PLEKHA1: variants seen among roughly 807,000 people sequenced by gnomAD.
PLEKHA1 encodes the protein pleckstrin homology domain-containing family A member 1.
In PLEKHA1, 34 loss-of-function variants were observed where a neutral mutation model predicts 52.0. That is an observed-to-expected ratio of 0.65 (90% CI 0.50 to 0.87). The LOEUF (loss-of-function observed/expected upper bound fraction) is 0.87. Among genes scored for constraint, PLEKHA1 ranks in the 40% least tolerant of loss-of-function variants. PLEKHA1 has a pLI of 0.00. For missense variants in PLEKHA1, 497 were observed against 504.2 expected, an observed-to-expected ratio of 0.99 and a Z score of 0.14; for synonymous variants, 163 against 170.7, an observed-to-expected ratio of 0.95 and a Z score of 0.35.
Position 122,426,510 on chromosome 10 carries a change from T to C in PLEKHA1, c.811-432T>C, listed in dbSNP as rs190694486. On this transcript the variant is annotated intron_variant, in intron 10 of 11. Coordinates refer to ENST00000368990, the MANE Select transcript of PLEKHA1 (RefSeq NM_001001974.4). ...AGCCAGACGTATCTGTCAATACTTATTGTAGGATTTAGGGTACTACTAGAA... is the reference window on the plus strand; with the variant it reads ...AGCCAGACGTATCTGTCAATACTTACTGTAGGATTTAGGGTACTACTAGAA... Among the ~76,000 whole-genome samples, 635 of 152,348 alleles carry C rather than the reference T, an allele frequency of 4.2e-3. 2 individuals carry two copies. Among genetic ancestry groups the C allele is most frequent in the Non-Finnish European group, 7.3e-3 (496 of 68,034 alleles).
chr10:122,404,277 C>T (rs1565217148), intron 4 of PLEKHA1, among the ~76,000 whole-genome samples: 1 of 151,874 alleles, frequency 6.6e-6, no homozygotes, highest in East Asian at 1.9e-4. Flanking sequence ...CTACGTCTTG[C>T]CATGAAGTAA....
chr10:122,418,796 T>C (rs2097216410), intron 8 of PLEKHA1: 1 of 152,200 alleles, frequency 6.6e-6, no homozygotes, highest in South Asian at 2.1e-4. Flanking sequence ...GTAGTATAAA[T>C]GTCTATCCTA....
At chr10:122,383,437 A>G (rs1441864964) in intron 1 of PLEKHA1, among the ~76,000 whole-genome samples, 2 of 149,612 alleles carry the variant, frequency 1.3e-5, no homozygotes, top group East Asian at 2.0e-4. Flanking sequence ...ATCCCACCTC[A>G]GCTTCCCAAG....
chr10:122,391,953 AG>A (rs2133980316), intron 1 of PLEKHA1, among the ~76,000 whole-genome samples: 1 of 152,258 alleles, frequency 6.6e-6, no homozygotes, highest in Admixed American at 6.5e-5. Flanking sequence ...TTTCACTGTA[AG>A]TTAAATTTAC....
the PLEKHA1 span, chr10:122,438,891 A>T: frequency 6.6e-6 from 1 of 152,136 alleles, no homozygotes; most frequent in Non-Finnish European, 1.5e-5. Flanking sequence ...ATCGCAAAAA[A>T]ATCTCATAAT....
At chr10:122,434,130 T>C (rs2097429633), downstream of PLEKHA1, 1 of 152,212 alleles carries the variant, frequency 6.6e-6, no homozygotes, top group African/African-American at 2.4e-5. Flanking sequence ...CCATTGGGTC[T>C]TGGACACCTG....
At chr10:122,434,839 A>G (rs1375781527), downstream of PLEKHA1, 2 of 148,694 alleles carry the variant, frequency 1.3e-5, no homozygotes, top group African/African-American at 5.0e-5. Flanking sequence ...TGTCCTTGCG[A>G]TAGTTTACTG....
intron 10 of PLEKHA1, among the ~76,000 whole-genome samples, chr10:122,425,954 A>G (rs1327602191): frequency 6.6e-6 from 1 of 151,962 alleles, no homozygotes; most frequent in African/African-American, 2.4e-5. Context: ...TTTGTTTCAT[A>G]TATTGTTATT....
chr10:122,424,769 T>C, intron 9 of PLEKHA1, 127 bp from the exon 10 acceptor site: 1 of 552,912 alleles, frequency 1.8e-6, no homozygotes, highest in African/African-American at 2.0e-5. Context: ...GAAAAGATAA[T>C]TTGGGTTTGC....
chr10:122,397,027 T>C (rs2134129046), intron 2 of PLEKHA1, among the ~76,000 whole-genome samples: 1 of 152,232 alleles, frequency 6.6e-6, no homozygotes, highest in South Asian at 2.1e-4. Flanking sequence ...TCCTCTATGA[T>C]TAGGTTCTCA....
At chr10:122,423,406 C>G (rs1312642467) in intron 8 of PLEKHA1, 1 of 119,130 alleles carries the variant, frequency 8.4e-6, no homozygotes, top group Non-Finnish European at 1.6e-5. Flanking sequence ...GCCTGGGCAA[C>G]AAGAGCGAAA....
chr10:122,410,917 C>G (rs533092706), intron 5 of PLEKHA1, among the ~76,000 whole-genome samples: 160 of 152,184 alleles, frequency 1.1e-3, no homozygotes, highest in African/African-American at 3.7e-3. Context: ...TTCAGGTTCT[C>G]TTAATGCTAG....
chr10:122,384,406 A>G (rs554003216), intron 1 of PLEKHA1, among the ~76,000 whole-genome samples: 1 of 150,330 alleles, frequency 6.7e-6, no homozygotes, highest in Non-Finnish European at 1.5e-5. Context: ...CAGGAGATTG[A>G]GACCATCCTG....
intron 2 of PLEKHA1, among the ~76,000 whole-genome samples, chr10:122,394,104 G>T (rs1490668066): frequency 1.8e-4 from 16 of 88,394 alleles, no homozygotes; most frequent in Non-Finnish European, 4.2e-4. Context: ...TTGAGATGGA[G>T]TCTCTTATCA....
chr10:122,418,104 G>A (rs1258833129), intron 8 of PLEKHA1, 136 bp downstream of exon 8: 8 of 558,718 alleles, frequency 1.4e-5, no homozygotes, highest in African/African-American at 1.2e-4. Flanking sequence ...AGTTTATTTG[G>A]TTGTGATGCT....
At chr10:122,406,500 GT>G in intron 4 of PLEKHA1, 75 bp from the exon 5 acceptor site, 1 of 1,201,982 alleles carries the variant, frequency 8.3e-7, no homozygotes, top group Non-Finnish European at 1.2e-6. Context: ...ACTTAGCAAG[GT>G]TTTTCAGCTA....
intron 4 of PLEKHA1, among the ~76,000 whole-genome samples, chr10:122,402,849 TA>T: frequency 6.6e-6 from 1 of 152,140 alleles, no homozygotes; most frequent in Admixed American, 6.5e-5. Context: ...GAAGATATCT[TA>T]AATGAAAGTC....
intron 4 of PLEKHA1, among the ~76,000 whole-genome samples, chr10:122,402,824 C>T (rs995607529): frequency 9.9e-5 from 15 of 152,080 alleles, no homozygotes; most frequent in Non-Finnish European, 2.1e-4. Context: ...GAATGAGGCA[C>T]GAAACTGAAA....
At chr10:122,426,559 A>G (rs1465861136) in intron 10 of PLEKHA1, among the ~76,000 whole-genome samples, 1 of 152,208 alleles carries the variant, frequency 6.6e-6, no homozygotes, top group African/African-American at 2.4e-5. Flanking sequence ...AAATATGTAA[A>G]AGAATGTCAG....
Sources: allele counts gnomAD v4.1 joint callset (sites outside exome capture counted in the v4.1 genomes callset), GRCh38; gene constraint gnomAD v4.1.1; transcripts MANE v1.5; gene names NCBI Gene and HGNC (gene_info 2026-07-23, HGNC 2026-07-21).